Variants in CACNA2D2 observed in about 807,000 individuals in gnomAD.
CACNA2D2 encodes calcium voltage-gated channel auxiliary subunit alpha2delta 2.
CACNA2D2 carries 48 observed loss-of-function variants against 166.4 expected under a neutral mutation model. The observed-to-expected ratio is 0.29, with a 90% CI of 0.23 to 0.37. The LOEUF (loss-of-function observed/expected upper bound fraction) is 0.37, where lower values mean the gene tolerates loss of function less well. CACNA2D2 is among the 10% of genes least tolerant of loss of function. The pLI is 1.00. For synonymous variants in CACNA2D2, 561 were observed against 573.7 expected (o/e 0.98, Z 0.32); for missense variants, 1,122 against 1,433.0 (o/e 0.78, Z 3.50).
chr3:50,482,872 T>C (rs1194285114), intron 1 of CACNA2D2, among the ~76,000 whole-genome samples: 2 of 152,170 alleles, frequency 1.3e-5, no homozygotes, highest in East Asian at 3.9e-4. Context: ...TCAGCAGCTT[T>C]GGGGGCTCAA....
intron 3 of CACNA2D2, among the ~76,000 whole-genome samples, chr3:50,413,719 C>T (rs772571159): frequency 3.9e-5 from 6 of 152,094 alleles, no homozygotes; most frequent in Non-Finnish European, 7.4e-5. Flanking sequence ...TGGTGACGCA[C>T]GCCTGTAATC....
intron 1 of CACNA2D2, among the ~76,000 whole-genome samples, chr3:50,494,599 A>G (rs1259178581): frequency 6.6e-6 from 1 of 152,154 alleles, no homozygotes; most frequent in Non-Finnish European, 1.5e-5. Flanking sequence ...CACACCACAT[A>G]GACATCTTGC....
intron 3 of CACNA2D2, chr3:50,416,154 C>G (rs1327272307): frequency 6.6e-6 from 1 of 152,208 alleles, no homozygotes; most frequent in East Asian, 1.9e-4. Context: ...AGGGCTGAGC[C>G]CATTTGGGGC....
At chr3:50,402,383 AC>A (rs1706490164) in intron 3 of CACNA2D2, among the ~76,000 whole-genome samples, 5 of 152,218 alleles carry the variant, frequency 3.3e-5, no homozygotes, top group African/African-American at 1.2e-4. Flanking sequence ...GACCTGGACA[AC>A]CACGTGCTGC....
At position 50,503,239 on chromosome 3, in the gene CACNA2D2, T is replaced by C. The variant is rs1418226072; in HGVS notation, c.185A>G (p.Tyr62Cys). ...PLLAAPGASA[Y>C]SFPQQHTMQH... ...TTACGTGTGCTGCTGGGGGAAGCTG[T>C]AGGCAGAGGCGCCGGGGGCGGCGAG... Residue 62 changes from tyrosine to cysteine, a missense_variant, in exon 1 of 38, where the codon TAC (tyrosine) becomes TGC (cysteine). By Grantham distance (194) the Tyr-to-Cys change is radical. Coordinates refer to ENST00000424201, the MANE Select transcript of CACNA2D2 (RefSeq NM_006030.4). The C allele has an allele frequency of 1.7e-6, 2 of 1,192,656 alleles. No individual in the cohort carries two copies. The highest frequency in any genetic ancestry group is 1.6e-5 in the African/African-American group (1 of 62,738). 73.9% of individuals were successfully genotyped at this position (1,192,656 alleles called of 1,614,324 possible).
intron 3 of CACNA2D2, among the ~76,000 whole-genome samples, chr3:50,425,351 C>A (rs988312769): frequency 6.6e-6 from 1 of 152,214 alleles, no homozygotes; most frequent in African/African-American, 2.4e-5. Flanking sequence ...TTTCTTCTAT[C>A]TTTGGAAATT....
At chr3:50,451,412 C>T (rs1709097501) in intron 2 of CACNA2D2, among the ~76,000 whole-genome samples, 1 of 151,920 alleles carries the variant, frequency 6.6e-6, no homozygotes, top group African/African-American at 2.4e-5. Flanking sequence ...AGGCATGAGT[C>T]AACACGCACG....
chr3:50,398,346 C>CGG (rs1263543756), intron 3 of CACNA2D2, among the ~76,000 whole-genome samples: 2 of 152,188 alleles, frequency 1.3e-5, no homozygotes, highest in African/African-American at 4.8e-5. Context: ...TGCCCAGACT[C>CGG]CTCTAGCCAC....
intron 5 of CACNA2D2, 75 bp from the exon 6 acceptor site, chr3:50,384,412 G>A: frequency 6.5e-7 from 1 of 1,539,646 alleles, no homozygotes; most frequent in Non-Finnish European, 8.9e-7. Flanking sequence ...TGCAAGTAGG[G>A]GCAGGGAGGG....
intron 1 of CACNA2D2, among the ~76,000 whole-genome samples, chr3:50,501,376 GCCCCCACCCCA>G (rs1311122983): frequency 6.8e-6 from 1 of 147,304 alleles, no homozygotes; most frequent in Non-Finnish European, 1.5e-5. Flanking sequence ...GAGCGGCACA[GCCCCCACCCCA>G]CCCCCACCCT....
At chr3:50,459,761 C>T (rs1371655273) in intron 2 of CACNA2D2, among the ~76,000 whole-genome samples, 1 of 152,224 alleles carries the variant, frequency 6.6e-6, no homozygotes, top group Non-Finnish European at 1.5e-5. Context: ...CCTCTGACCC[C>T]AGGTGACTGG....
chr3:50,493,355 G>C (rs560986541), intron 1 of CACNA2D2, among the ~76,000 whole-genome samples: 10 of 152,364 alleles, frequency 6.6e-5, no homozygotes, highest in Non-Finnish European at 1.3e-4. Flanking sequence ...TGAGATGTGA[G>C]AGGAAGTCGG....
chr3:50,474,353 TC>T (rs1461800288), intron 2 of CACNA2D2, among the ~76,000 whole-genome samples: 1 of 152,218 alleles, frequency 6.6e-6, no homozygotes, highest in Non-Finnish European at 1.5e-5. Flanking sequence ...ATTGCTGTTT[TC>T]ACCACTTCAT....
intron 3 of CACNA2D2, among the ~76,000 whole-genome samples, chr3:50,423,144 T>G (rs2106846842): frequency 6.6e-6 from 1 of 152,310 alleles, no homozygotes; most frequent in South Asian, 2.1e-4. Context: ...CCTACGCAGC[T>G]CATGGATGGA....
rs376047122 is a variant in CACNA2D2, at chr3:50,365,973, C to A, written c.2862+38G>T. On this transcript the variant is annotated intron_variant, in intron 32 of 37. Transcript: ENST00000424201. The surrounding 1 kb of genome is among the most constrained non-coding windows in gnomAD (Gnocchi z 4.5). The stretch of plus-strand genomic sequence containing the variant: ...GTCATCTGTGGGCAGGTCTCCCAGT[C>A]CCCCCCATCTCCAGTCCAGGCATCT... 1.1e-5 allele frequency: 17 copies of A among 1,608,818 alleles called. No homozygotes were observed. Among genetic ancestry groups the A allele is most frequent in the Admixed American group, 1.7e-5 (1 of 59,876 alleles).
In CACNA2D2 at chr3:50,377,520, T is replaced by C. The variant is rs765442855; in HGVS notation, c.1573A>G (p.Met525Val). ...TCATTCAGAGCCACGTCAATGCCCA[T>C]CACGCCCAGGATCAGCTGGTTCTGG... is the stretch of plus-strand genomic sequence containing the variant. Reference protein sequence around the residue: ...EKKNQLILGVMGIDVALNDIK... With the variant: ...EKKNQLILGVVGIDVALNDIK... Residue 525 changes from methionine to valine, a missense_variant, in exon 17 of 38, where the codon ATG (methionine) becomes GTG (valine). Met to Val is a conservative substitution (Grantham distance 21, BLOSUM62 1). Around this residue, in one of 2 missense-constraint regions of CACNA2D2, gnomAD observed 840 missense variants for 1,166.8 expected, o/e 0.72. Transcript: ENST00000424201. 13 of 1,613,332 alleles carry C rather than the reference T, an allele frequency of 8.1e-6. No homozygotes were observed. The highest frequency in any genetic ancestry group is 1.1e-5 in the South Asian group (1 of 91,086).
chr3:50,404,624 G>A (rs368459992), intron 3 of CACNA2D2, among the ~76,000 whole-genome samples: 12 of 152,124 alleles, frequency 7.9e-5, no homozygotes, highest in African/African-American at 2.9e-4. Flanking sequence ...GACATGGGAG[G>A]GTGACAGTTC....
In CACNA2D2 at chr3:50,378,141, G is replaced by A. The variant is rs144676126; in HGVS notation, c.1390-44C>T. 179 of 1,595,418 alleles carry A rather than the reference G, an allele frequency of 1.1e-4. No individual in the cohort carries two copies. In the African/African-American group the frequency reaches 1.2e-3, roughly 10 times the overall value. ...TGGGGGTAATGAGTGCCTTTCCCAGGCACTGCCTGTTCTGTCTCGCCAGGC... is the reference window on the plus strand; with the variant it reads ...TGGGGGTAATGAGTGCCTTTCCCAGACACTGCCTGTTCTGTCTCGCCAGGC... On this transcript the variant is annotated intron_variant, in intron 14 of 37. Coordinates refer to ENST00000424201, the MANE Select transcript of CACNA2D2 (RefSeq NM_006030.4).
chr3:50,438,349 C>T (rs1361577791), intron 2 of CACNA2D2, among the ~76,000 whole-genome samples: 1 of 152,172 alleles, frequency 6.6e-6, no homozygotes, highest in East Asian at 1.9e-4. Flanking sequence ...GCTCTAGCTT[C>T]AACCCTCTCT....
Sources: gnomAD v4.1 joint callset for allele counts (sites outside exome capture counted in the v4.1 genomes callset) on GRCh38, gnomAD v4.1.1 for gene constraint, gnomAD v4.1.1 regional missense constraint, Gnocchi (gnomAD v3.1) non-coding constraint, MANE v1.5 for transcripts, NCBI Gene and HGNC (gene_info 2026-07-23, HGNC 2026-07-21) for gene names.